Variants in PTPRN2 observed in about 807,000 individuals in gnomAD.
PTPRN2 encodes the protein protein tyrosine phosphatase receptor type N2.
Under a neutral mutation model 118.8 loss-of-function variants are expected in PTPRN2, and 74 were observed. The observed-to-expected ratio is 0.62, with a 90% CI of 0.52 to 0.76. The LOEUF (loss-of-function observed/expected upper bound fraction) is 0.76, where lower values mean the gene tolerates loss of function less well. PTPRN2 is among the 30% of genes least tolerant of loss of function. The pLI is 0.00. For missense variants in PTPRN2, 1,481 were observed against 1,394.4 expected (o/e 1.06, Z -0.99); for synonymous variants, 641 against 608.0 (o/e 1.05, Z -0.80).
chr7:158,163,650 G>A (rs1336823800), intron 6 of PTPRN2, among the ~76,000 whole-genome samples: 2 of 147,736 alleles, frequency 1.4e-5, no homozygotes, highest in Non-Finnish European at 1.5e-5. Context: ...CTTAGGTGAC[G>A]CCCGTATGAA....
chr7:157,639,381 T>C (rs62476808), intron 14 of PTPRN2, among the ~76,000 whole-genome samples: 17,332 of 152,174 alleles, frequency 0.11, 1,080 homozygotes, highest in East Asian at 0.17. Flanking sequence ...TTGGAGGCAA[T>C]TGTCAATGTG....
At chr7:158,037,652 ACGCTG>A (rs1480227615) in intron 11 of PTPRN2, among the ~76,000 whole-genome samples, 2 of 152,246 alleles carry the variant, frequency 1.3e-5, no homozygotes, top group Non-Finnish European at 2.9e-5. Flanking sequence ...GTTGACTGAA[ACGCTG>A]TTATGTGGCA....
intron 21 of PTPRN2, among the ~76,000 whole-genome samples, chr7:157,556,431 ACACAGG>A (rs1798886812): frequency 6.6e-6 from 1 of 151,236 alleles, no homozygotes; most frequent in African/African-American, 2.4e-5. Flanking sequence ...ATGCACACAC[ACACAGG>A]CATGCACACA....
chr7:158,489,626 C>T (rs979830296), intron 2 of PTPRN2, 109 bp downstream of exon 2: 38 of 1,183,874 alleles, frequency 3.2e-5, no homozygotes, highest in Admixed American at 9.6e-5. Context: ...CAGCGCGCCC[C>T]GGGCGGCCCC....
chr7:158,464,018 A>G (rs1461029362), intron 2 of PTPRN2, among the ~76,000 whole-genome samples: 1 of 54,904 alleles, frequency 1.8e-5, no homozygotes, highest in Non-Finnish European at 3.7e-5. Flanking sequence ...CATCACCATC[A>G]TCATCCTTAC....
intron 3 of PTPRN2, among the ~76,000 whole-genome samples, chr7:158,267,714 T>C (rs1372530123): frequency 6.6e-6 from 1 of 152,184 alleles, no homozygotes; most frequent in East Asian, 1.9e-4. Flanking sequence ...CCTTCCATCA[T>C]TTAAGTAGAT....
At chr7:158,054,882 G>T (rs1196232717) in intron 11 of PTPRN2, among the ~76,000 whole-genome samples, 1 of 152,198 alleles carries the variant, frequency 6.6e-6, no homozygotes, top group Admixed American at 6.5e-5. Context: ...CAAGACACCT[G>T]CAGACTGCAG....
In PTPRN2 at chr7:158,509,377, G is replaced by A. The variant is rs765240849; in HGVS notation, c.113-19592C>T. 3.3e-4 allele frequency among the ~76,000 whole-genome samples: 51 copies of A among 152,266 alleles called. No homozygotes were observed. Among genetic ancestry groups the A allele is most frequent in the Middle Eastern group, 6.8e-3 (2 of 294 alleles). ...CCTCCACCCTGCAGTCAGGGCCAGC[G>A]GGGCTGTCTCAGGCAGCACATCTAA... On this transcript the variant is annotated intron_variant, in intron 1 of 22. Transcript: ENST00000389418. This position sits in a 1 kb window ranked among gnomAD's most constrained non-coding sequence, Gnocchi z 4.4.
At chr7:157,662,709 C>T (rs964021359) in intron 13 of PTPRN2, among the ~76,000 whole-genome samples, 1 of 152,144 alleles carries the variant, frequency 6.6e-6, no homozygotes, top group East Asian at 1.9e-4. Context: ...GAGAAGGGGC[C>T]GCCACTCCCT....
chr7:158,193,957 G>A (rs555820832), intron 4 of PTPRN2, among the ~76,000 whole-genome samples: 91 of 151,010 alleles, frequency 6.0e-4, no homozygotes, highest in South Asian at 4.7e-3. Flanking sequence ...ATGGGGGCTC[G>A]CAGCTATAAT....
intron 3 of PTPRN2, among the ~76,000 whole-genome samples, chr7:158,281,441 A>G (rs1432617592): frequency 2.0e-5 from 3 of 152,246 alleles, no homozygotes; most frequent in Admixed American, 2.0e-4. Context: ...GAACATAGTC[A>G]CCAAAATCCA....
intron 11 of PTPRN2, among the ~76,000 whole-genome samples, chr7:157,975,923 T>C (rs964196883): frequency 6.6e-6 from 1 of 152,102 alleles, no homozygotes. Context: ...AAACTAGAGA[T>C]AGGCTTTGGA....
chr7:158,374,905 T>G (rs1810381552), intron 2 of PTPRN2, among the ~76,000 whole-genome samples: 3 of 152,278 alleles, frequency 2.0e-5, no homozygotes, highest in Admixed American at 6.5e-5. Flanking sequence ...ATTGAATACT[T>G]CAAGTCTACA....
chr7:158,310,871 T>G (rs10228769), intron 3 of PTPRN2, among the ~76,000 whole-genome samples: 7,421 of 10,206 alleles, frequency 0.73, 3,304 homozygotes, highest in Middle Eastern at 0.95. Context: ...GCCCTGAGCC[T>G]GACAGAGCGC....
At chr7:158,536,235 A>ATGG (rs1254404540) in intron 1 of PTPRN2, among the ~76,000 whole-genome samples, 12 of 152,226 alleles carry the variant, frequency 7.9e-5, no homozygotes, top group African/African-American at 2.9e-4. Flanking sequence ...CTGGGTCCAG[A>ATGG]CAGGGCTAGA....
chr7:157,586,597 C>T (rs1800686751), intron 17 of PTPRN2, among the ~76,000 whole-genome samples: 1 of 152,130 alleles, frequency 6.6e-6, no homozygotes, highest in Non-Finnish European at 1.5e-5. Context: ...GCCCCTGCTG[C>T]TGGATGCTGG....
chr7:158,031,429 T>A (rs956615780), intron 11 of PTPRN2, among the ~76,000 whole-genome samples: 2 of 152,230 alleles, frequency 1.3e-5, no homozygotes, highest in Admixed American at 6.5e-5. Flanking sequence ...TGCTCTTAAT[T>A]GTCATAAAAT....
At chr7:158,100,511 C>G (rs1043614588) in intron 10 of PTPRN2, among the ~76,000 whole-genome samples, 8 of 152,134 alleles carry the variant, frequency 5.3e-5, no homozygotes, top group African/African-American at 1.7e-4. Context: ...AGTTTGCACT[C>G]CCACCAGCAG....
chr7:157,868,254 T>G lies in PTPRN2; in HGVS notation c.1788+30419A>C, dbSNP rs1408915591. 1.3e-5 allele frequency among the ~76,000 whole-genome samples: 2 copies of G among 152,200 alleles called. No individual in the cohort carries two copies. The highest frequency in any genetic ancestry group is 3.9e-4 in the East Asian group (2 of 5,192). On this transcript the variant is annotated intron_variant, in intron 12 of 22. Transcript: ENST00000389418. This position sits in a 1 kb window ranked among gnomAD's most constrained non-coding sequence, Gnocchi z 5.2. The stretch of plus-strand genomic sequence containing the variant: ...TCCCATCGAGGTGGTGGGCTGGGAC[T>G]CGGCAAGCCCATCTGAACAGGGCTC...
Sources: gnomAD v4.1 joint callset for allele counts (sites outside exome capture counted in the v4.1 genomes callset) on GRCh38, gnomAD v4.1.1 for gene constraint, Gnocchi (gnomAD v3.1) non-coding constraint, MANE v1.5 for transcripts, NCBI Gene and HGNC (gene_info 2026-07-23, HGNC 2026-07-21) for gene names.